The following ABTB3 variants were observed in gnomAD, a reference collection of about 807,000 sequenced individuals.
The protein encoded by ABTB3 is ankyrin repeat and BTB domain containing 3.
At chr12:107,494,302 G>A in the ABTB3 span, among the ~76,000 whole-genome samples, 1 of 152,188 alleles carries the variant, frequency 6.6e-6, no homozygotes, top group Non-Finnish European at 1.5e-5. Context: ...AGCCTGCTGA[G>A]TCCCTCACCC....
chr12:107,559,138 G>C, the ABTB3 span, among the ~76,000 whole-genome samples: 1 of 152,224 alleles, frequency 6.6e-6, no homozygotes, highest in African/African-American at 2.4e-5. Context: ...CTGGAGCAGA[G>C]AGAGATGTAG....
At chr12:107,645,239 T>C in the ABTB3 span, among the ~76,000 whole-genome samples, 1 of 152,182 alleles carries the variant, frequency 6.6e-6, no homozygotes, top group Non-Finnish European at 1.5e-5. Flanking sequence ...AGTGCTGGGA[T>C]TACAGGCGTG....
At chr12:107,513,590 ACCT>A in the ABTB3 span, among the ~76,000 whole-genome samples, 3 of 151,908 alleles carry the variant, frequency 2.0e-5, no homozygotes, top group African/African-American at 7.3e-5. Flanking sequence ...AGACAATTAA[ACCT>A]CTTTCCTTTC....
At chr12:107,492,967 G>A in the ABTB3 span, among the ~76,000 whole-genome samples, 1 of 151,916 alleles carries the variant, frequency 6.6e-6, no homozygotes, top group Non-Finnish European at 1.5e-5. Flanking sequence ...TCAGTGTTTA[G>A]TAGGTATTGG....
the ABTB3 span, among the ~76,000 whole-genome samples, chr12:107,644,972 C>CT: frequency 0.17 from 21,266 of 127,062 alleles, 2,475 homozygotes; most frequent in East Asian, 0.49. Context: ...TCAAAATTCA[C>CT]TTTTTTTTTT....
At chr12:107,622,366 T>C in the ABTB3 span, among the ~76,000 whole-genome samples, 1 of 152,194 alleles carries the variant, frequency 6.6e-6, no homozygotes, top group South Asian at 2.1e-4. Context: ...AAATTCCAAG[T>C]TGAGAAGACA....
the ABTB3 span, among the ~76,000 whole-genome samples, chr12:107,569,652 G>T: frequency 6.6e-6 from 1 of 152,306 alleles, no homozygotes; most frequent in South Asian, 2.1e-4. Flanking sequence ...CAGAATCCAT[G>T]TTGACACAAC....
the ABTB3 span, among the ~76,000 whole-genome samples, chr12:107,387,622 GTTTA>G: frequency 9.4e-4 from 143 of 152,284 alleles, 1 homozygote; most frequent in African/African-American, 3.3e-3. Context: ...TCATTTTTGA[GTTTA>G]TTCATTCATT....
At chr12:107,360,047 T>A in the ABTB3 span, among the ~76,000 whole-genome samples, 1 of 152,212 alleles carries the variant, frequency 6.6e-6, no homozygotes, top group Non-Finnish European at 1.5e-5. Context: ...CAACTTATGC[T>A]GAGTTATAAA....
At chr12:107,437,670 G>A in the ABTB3 span, among the ~76,000 whole-genome samples, 1 of 152,118 alleles carries the variant, frequency 6.6e-6, no homozygotes, top group Non-Finnish European at 1.5e-5. Context: ...CCAAAGTGCT[G>A]GAATCACGGG....
the ABTB3 span, among the ~76,000 whole-genome samples, chr12:107,415,790 G>A: frequency 1.3e-5 from 2 of 152,068 alleles, no homozygotes; most frequent in African/African-American, 4.8e-5. Flanking sequence ...GTCTAGGCCT[G>A]GCTGTCAGTT....
At chr12:107,320,186 A>G in the ABTB3 span, 258,716 of 1,323,546 alleles carry the variant, frequency 0.2, 25,849 homozygotes, top group East Asian at 0.24. Context: ...TGCTGTCCCA[A>G]GCCGCTGAGG....
chr12:107,526,029 A>G, the ABTB3 span, among the ~76,000 whole-genome samples: 2 of 152,138 alleles, frequency 1.3e-5, no homozygotes, highest in African/African-American at 4.8e-5. Context: ...TTGTATTGTG[A>G]GCACCTAACA....
At chr12:107,324,539 A>G in the ABTB3 span, among the ~76,000 whole-genome samples, 1 of 152,204 alleles carries the variant, frequency 6.6e-6, no homozygotes, top group African/African-American at 2.4e-5. Context: ...TTAAACTTCA[A>G]TGATATCTAC....
the ABTB3 span, among the ~76,000 whole-genome samples, chr12:107,456,602 T>C: frequency 6.6e-6 from 1 of 152,118 alleles, no homozygotes; most frequent in Non-Finnish European, 1.5e-5. Flanking sequence ...TTTCATTATA[T>C]ATTATAATGT....
the ABTB3 span, among the ~76,000 whole-genome samples, chr12:107,560,224 G>A: frequency 1.3e-5 from 2 of 152,144 alleles, no homozygotes; most frequent in African/African-American, 2.4e-5. Context: ...TCCAGTGTGC[G>A]AATTACTGTT....
the ABTB3 span, among the ~76,000 whole-genome samples, chr12:107,630,156 C>T: frequency 1.3e-5 from 2 of 152,180 alleles, no homozygotes; most frequent in African/African-American, 4.8e-5. Flanking sequence ...AAAGAAGCGG[C>T]TAGAAAGCCT....
At chr12:107,619,280 G>T in the ABTB3 span, among the ~76,000 whole-genome samples, 18 of 152,198 alleles carry the variant, frequency 1.2e-4, no homozygotes, top group South Asian at 6.2e-4. Flanking sequence ...GTCCTCCTCT[G>T]TCTGTGCCTC....
At chr12:107,461,435 G>A in the ABTB3 span, among the ~76,000 whole-genome samples, 23 of 152,264 alleles carry the variant, frequency 1.5e-4, no homozygotes, top group African/African-American at 5.3e-4. Context: ...ACAAGCCAAG[G>A]AATGTCAAGG....
Sources: allele counts gnomAD v4.1 joint callset (sites outside exome capture counted in the v4.1 genomes callset), GRCh38; gene constraint gnomAD v4.1.1; transcripts MANE v1.5; gene names NCBI Gene and HGNC (gene_info 2026-07-23, HGNC 2026-07-21).